COBL: variants seen among roughly 807,000 people sequenced by gnomAD.
COBL encodes the protein protein cordon-bleu.
In COBL, 51 loss-of-function variants were observed where a neutral mutation model predicts 98.8. That is an observed-to-expected ratio of 0.52 (90% CI 0.41 to 0.65). The LOEUF is 0.65. Ranked by LOEUF, COBL falls within the 30% of genes least tolerant of loss-of-function variation. The pLI, the probability that COBL is intolerant of heterozygous loss-of-function variation, is 0.00. For synonymous variants in COBL, 634 were observed against 651.7 expected (o/e 0.97, Z 0.41); for missense variants, 1,617 against 1,617.5 (o/e 1.00, Z 0.01).
intron 1 of COBL, among the ~76,000 whole-genome samples, chr7:51,261,423 G>T (rs554325850): frequency 4.0e-4 from 61 of 152,226 alleles, no homozygotes; most frequent in Non-Finnish European, 2.8e-4. Context: ...TAAAATGCTG[G>T]TGAGTAGCAG....
chr7:51,238,023 C>A (rs1007258777), intron 1 of COBL, among the ~76,000 whole-genome samples: 1 of 152,144 alleles, frequency 6.6e-6, no homozygotes, highest in Non-Finnish European at 1.5e-5. Context: ...CAAAGGGGAA[C>A]GAAGAAGGAA....
At chr7:51,144,562 G>A (rs923553759) in intron 5 of COBL, among the ~76,000 whole-genome samples, 1 of 152,102 alleles carries the variant, frequency 6.6e-6, no homozygotes, top group Non-Finnish European at 1.5e-5. Flanking sequence ...AAAATTAACC[G>A]TGTTAGCCAT....
chr7:51,253,397 T>A (rs1372245735), intron 1 of COBL, among the ~76,000 whole-genome samples: 1 of 152,198 alleles, frequency 6.6e-6, no homozygotes, highest in African/African-American at 2.4e-5. Flanking sequence ...TGTTTTGATG[T>A]ACTCCACAGG....
intron 5 of COBL, among the ~76,000 whole-genome samples, chr7:51,175,504 C>T (rs978624579): frequency 6.6e-6 from 1 of 152,216 alleles, no homozygotes; most frequent in Non-Finnish European, 1.5e-5. Flanking sequence ...ATTGTATTAG[C>T]TAAGCAGCAT....
intron 1 of COBL, among the ~76,000 whole-genome samples, chr7:51,298,344 T>C (rs1259549126): frequency 6.6e-6 from 1 of 152,232 alleles, no homozygotes; most frequent in Non-Finnish European, 1.5e-5. Context: ...TAGCAATAGG[T>C]AACTACTACA....
intron 7 of COBL, among the ~76,000 whole-genome samples, 199 bp downstream of exon 7, chr7:51,084,967 A>C (rs1439074490): frequency 6.6e-6 from 1 of 152,156 alleles, no homozygotes; most frequent in African/African-American, 2.4e-5. Flanking sequence ...AAATGCTCAC[A>C]TAATGCCCAC....
At chr7:51,262,794 G>C (rs1797832226) in intron 1 of COBL, among the ~76,000 whole-genome samples, 1 of 152,178 alleles carries the variant, frequency 6.6e-6, no homozygotes, top group Non-Finnish European at 1.5e-5. Context: ...CAAGGATGAA[G>C]AGGGCAATAA....
chr7:51,203,355 G>C (rs1405725565), intron 2 of COBL, among the ~76,000 whole-genome samples: 2 of 137,868 alleles, frequency 1.5e-5, no homozygotes, highest in African/African-American at 5.9e-5. Context: ...CCAGCTACTC[G>C]GGAGGCTGAG....
intron 2 of COBL, among the ~76,000 whole-genome samples, chr7:51,208,348 G>GC (rs1332009709): frequency 1.3e-5 from 2 of 151,178 alleles, no homozygotes; most frequent in South Asian, 2.1e-4. Context: ...TAGGGGGTCA[G>GC]CCCCCCGCCA....
intron 7 of COBL, among the ~76,000 whole-genome samples, chr7:51,067,991 C>G (rs1792119027): frequency 6.6e-6 from 1 of 152,128 alleles, no homozygotes; most frequent in African/African-American, 2.4e-5. Flanking sequence ...GCAGTGGAGC[C>G]CAAGACAGAT....
chr7:51,315,753 G>C (rs1381642936), intron 1 of COBL, among the ~76,000 whole-genome samples: 1 of 151,960 alleles, frequency 6.6e-6, no homozygotes, highest in African/African-American at 2.4e-5. Context: ...TCTGAATAAT[G>C]AGCAGGGCTG....
chr7:51,185,508 C>A (rs1307035864), intron 4 of COBL, among the ~76,000 whole-genome samples: 2 of 152,228 alleles, frequency 1.3e-5, no homozygotes. Context: ...CAGCTCAGCA[C>A]ACTGCTCACT....
intron 1 of COBL, among the ~76,000 whole-genome samples, chr7:51,298,683 C>T (rs533618000): frequency 5.3e-5 from 8 of 152,298 alleles, no homozygotes; most frequent in South Asian, 2.1e-4. Flanking sequence ...GTTGGGACTC[C>T]GAAAGCTGCA....
At chr7:51,313,120 A>C (rs1055224977) in intron 1 of COBL, among the ~76,000 whole-genome samples, 1 of 152,236 alleles carries the variant, frequency 6.6e-6, no homozygotes, top group African/African-American at 2.4e-5. Flanking sequence ...CTAACGGGAA[A>C]AGTTTTATGT....
intron 1 of COBL, among the ~76,000 whole-genome samples, chr7:51,238,833 C>G (rs1412128903): frequency 6.6e-6 from 1 of 152,128 alleles, no homozygotes; most frequent in Non-Finnish European, 1.5e-5. Flanking sequence ...TGCCTCATCC[C>G]TAAATATACC....
intron 1 of COBL, among the ~76,000 whole-genome samples, chr7:51,284,598 G>T (rs1288256158): frequency 1.3e-5 from 2 of 151,950 alleles, no homozygotes; most frequent in African/African-American, 4.8e-5. Flanking sequence ...GGAGGCCGAG[G>T]CAGGTGGATC....
At chr7:51,286,030 C>A (rs956650246) in intron 1 of COBL, among the ~76,000 whole-genome samples, 30 of 152,146 alleles carry the variant, frequency 2.0e-4, no homozygotes, top group African/African-American at 6.7e-4. Flanking sequence ...CAATTGGATA[C>A]CCTATGCCAA....
At chr7:51,305,806 G>A (rs1361540349) in intron 1 of COBL, among the ~76,000 whole-genome samples, 2 of 31,160 alleles carry the variant, frequency 6.4e-5, no homozygotes, top group African/African-American at 2.0e-4. Flanking sequence ...AGGCCAAGGC[G>A]GTGGATCACT....
intron 5 of COBL, among the ~76,000 whole-genome samples, chr7:51,178,107 T>C (rs1363400837): frequency 2.6e-5 from 4 of 151,996 alleles, no homozygotes; most frequent in Non-Finnish European, 4.4e-5. Flanking sequence ...GATCATGCCA[T>C]TGCATTCCAG....
Sources: allele counts gnomAD v4.1 joint callset (sites outside exome capture counted in the v4.1 genomes callset), GRCh38; gene constraint gnomAD v4.1.1; transcripts MANE v1.5; gene names NCBI Gene and HGNC (gene_info 2026-07-23, HGNC 2026-07-21).